Variants in DRICH1 observed in about 807,000 individuals in gnomAD.
The protein encoded by DRICH1 is aspartate-rich protein 1.
DRICH1 carries 38 observed loss-of-function variants against 39.5 expected under a neutral mutation model. The ratio of observed to expected loss-of-function variants is 0.96; its 90% CI spans 0.74 to 1.26. The LOEUF is 1.26. Among genes scored for constraint, DRICH1 ranks in the 50% most tolerant of loss-of-function variants. The pLI is 0.00. For synonymous variants in DRICH1, 84 were observed against 99.5 expected, an observed-to-expected ratio of 0.84 and a Z score of 0.93; for missense variants, 279 against 270.4, an observed-to-expected ratio of 1.03 and a Z score of -0.22.
chr22:23,627,788 G>A (rs1162074752), intron 1 of DRICH1, among the ~76,000 whole-genome samples: 1 of 152,176 alleles, frequency 6.6e-6, no homozygotes, highest in Non-Finnish European at 1.5e-5. Context: ...AGAAACTGGG[G>A]CAGCCTCCAG....
chr22:23,609,309 A>T (rs1324288373), intron 11 of DRICH1, among the ~76,000 whole-genome samples: 1 of 152,218 alleles, frequency 6.6e-6, no homozygotes, highest in African/African-American at 2.4e-5. Flanking sequence ...CACTAGCTCT[A>T]AAGTGGGGCG....
chr22:23,589,263 C>T, the DRICH1 span, among the ~76,000 whole-genome samples: 2 of 152,028 alleles, frequency 1.3e-5, no homozygotes, highest in South Asian at 4.1e-4. Flanking sequence ...CCAGCCTGGG[C>T]AACATGGTGA....
At chr22:23,584,519 A>G in the DRICH1 span, among the ~76,000 whole-genome samples, 2 of 152,226 alleles carry the variant, frequency 1.3e-5, no homozygotes, top group African/African-American at 4.8e-5. Flanking sequence ...AAGGTTCTAG[A>G]AACTCTCAAG....
chr22:23,605,434 C>G (rs533049730), downstream of DRICH1, among the ~76,000 whole-genome samples: 1 of 152,298 alleles, frequency 6.6e-6, no homozygotes, highest in South Asian at 2.1e-4. Flanking sequence ...GCCCCCACAA[C>G]ATCAGCTGGA....
chr22:23,597,521 A>C, the DRICH1 span, among the ~76,000 whole-genome samples: 437 of 149,972 alleles, frequency 2.9e-3, 1 homozygote, highest in Non-Finnish European at 4.3e-3. Context: ...AAAAAAAAGG[A>C]AAAAAGAAAA....
intron 5 of DRICH1, among the ~76,000 whole-genome samples, chr22:23,619,994 C>CT (rs1329689563): frequency 2.0e-5 from 3 of 152,138 alleles, no homozygotes; most frequent in Non-Finnish European, 2.9e-5. Context: ...ACCAAAGACT[C>CT]TGAGATTTTG....
chr22:23,581,755 C>T, the DRICH1 span, among the ~76,000 whole-genome samples: 2 of 151,528 alleles, frequency 1.3e-5, no homozygotes, highest in South Asian at 2.1e-4. Flanking sequence ...TACAGGCATG[C>T]ACCACCACGA....
At chr22:23,594,974 A>AG in the DRICH1 span, among the ~76,000 whole-genome samples, 1 of 146,770 alleles carries the variant, frequency 6.8e-6, no homozygotes, top group Non-Finnish European at 1.5e-5. Context: ...GCAGGCTCCC[A>AG]GGAAACCCTA....
chr22:23,582,569 T>TATTATTATTA, the DRICH1 span, among the ~76,000 whole-genome samples: 45 of 148,984 alleles, frequency 3.0e-4, no homozygotes, highest in Admixed American at 5.4e-4. Context: ...TTATTATTAT[T>TATTATTATTA]ATTATTATTA....
At chr22:23,582,575 T>TATTA in the DRICH1 span, among the ~76,000 whole-genome samples, 12 of 150,640 alleles carry the variant, frequency 8.0e-5, no homozygotes, top group East Asian at 9.7e-4. Flanking sequence ...TTATTATTAT[T>TATTA]ATTATTTTGA....
chr22:23,626,042 G>A lies in DRICH1; in HGVS notation c.215C>T (p.Pro72Leu). The change falls in exon 2 of 12, where the codon CCT (proline) becomes CTT (leucine). Residue 72 changes from proline to leucine, a missense_variant. Coordinates refer to ENST00000317749, the MANE Select transcript of DRICH1 (RefSeq NM_016449.4). ...ISNQKMPTGP[P>L]EDRLSLKFLP... ...AAATTTTAAACTCAGGCGGTCCTCA[G>A]GGGGACCTAAAAGGACACAGAGTTA... The A allele has an allele frequency of 6.2e-6, 10 of 1,611,714 alleles. No homozygotes were observed. The highest frequency in any genetic ancestry group is 8.5e-6 in the Non-Finnish European group (10 of 1,178,268).
chr22:23,594,792 G>C, the DRICH1 span, among the ~76,000 whole-genome samples: 2 of 151,686 alleles, frequency 1.3e-5, no homozygotes, highest in East Asian at 3.8e-4. Flanking sequence ...AAAGCTTGTA[G>C]AGGAACCTCA....
At chr22:23,615,496 T>A (rs979711669) in intron 8 of DRICH1, among the ~76,000 whole-genome samples, 1 of 152,168 alleles carries the variant, frequency 6.6e-6, no homozygotes, top group African/African-American at 2.4e-5. Flanking sequence ...AACATGAAGA[T>A]CCTCGGAAGT....
At chr22:23,627,857 G>A (rs7292724) in intron 1 of DRICH1, among the ~76,000 whole-genome samples, 18,333 of 152,134 alleles carry the variant, frequency 0.12, 1,428 homozygotes, top group Middle Eastern at 0.2. Context: ...CCACAACTAA[G>A]CTAGATCCCA....
chr22:23,591,290 C>G, the DRICH1 span, among the ~76,000 whole-genome samples: 8 of 152,160 alleles, frequency 5.3e-5, no homozygotes, highest in African/African-American at 1.7e-4. Context: ...TCTCACAGCA[C>G]CCCCTGGTGG....
Position 23,626,962 on chromosome 22 carries a change from G to C in DRICH1, c.209-914C>G, listed in dbSNP as rs148893229. Among the ~76,000 whole-genome samples the C allele has an allele frequency of 6.3e-3, 964 of 152,230 alleles. 7 individuals carry two copies. Among genetic ancestry groups the C allele is most frequent in the African/African-American group, 0.022 (896 of 41,534 alleles). Reference sequence around the variant, plus strand: ...GTTCAACAATTGGTCCCTCAGCCAGGCTCACAGCAGATGTGAAAGAGCATT... The same window carrying C: ...GTTCAACAATTGGTCCCTCAGCCAGCCTCACAGCAGATGTGAAAGAGCATT... On this transcript the variant is annotated intron_variant, in intron 1 of 11. Transcript: ENST00000317749.
In DRICH1 at chr22:23,608,592, T is replaced by C. The variant is rs1428058288; in HGVS notation, c.*172A>G. Reference sequence around the variant, plus strand: ...GGTCCTGGATGGTACAGGCCAAACCTAGTGCTGGCGGTGGGTGGGAAGCAG... The same window carrying C: ...GGTCCTGGATGGTACAGGCCAAACCCAGTGCTGGCGGTGGGTGGGAAGCAG... On this transcript the variant is annotated 3_prime_UTR_variant, in exon 12 of 12. Transcript: ENST00000317749. 1 of 673,178 alleles carries C rather than the reference T, an allele frequency of 1.5e-6. No individual in the cohort carries two copies. Among genetic ancestry groups the C allele is most frequent in the African/African-American group, 1.8e-5 (1 of 56,336 alleles). The allele number at this position is 673,178 out of a possible 1,614,324, so 41.7% of individuals were successfully genotyped here.
chr22:23,591,270 C>T, the DRICH1 span, among the ~76,000 whole-genome samples: 1 of 152,180 alleles, frequency 6.6e-6, no homozygotes, highest in South Asian at 2.1e-4. Flanking sequence ...CCCAGTTCAG[C>T]TTGGGCCAGT....
At chr22:23,620,713 T>C (rs940717546) in intron 4 of DRICH1, 98 bp from the exon 5 acceptor site, 14 of 1,405,118 alleles carry the variant, frequency 1.0e-5, no homozygotes, top group Non-Finnish European at 1.3e-5. Flanking sequence ...AGAAAACTAG[T>C]TGTGAAACTG....
Sources: allele counts gnomAD v4.1 joint callset (sites outside exome capture counted in the v4.1 genomes callset), GRCh38; gene constraint gnomAD v4.1.1; transcripts MANE v1.5; gene names NCBI Gene and HGNC (gene_info 2026-07-23, HGNC 2026-07-21).